CD163L1: variants seen among roughly 807,000 people sequenced by gnomAD.
The protein encoded by CD163L1 is CD163 molecule like 1.
CD163L1 carries 124 observed loss-of-function variants against 165.4 expected under a neutral mutation model. The ratio of observed to expected loss-of-function variants is 0.75; its 90% CI spans 0.65 to 0.87. The LOEUF (loss-of-function observed/expected upper bound fraction) is 0.87, where lower values mean the gene tolerates loss of function less well. Ranked by LOEUF, CD163L1 falls within the 40% of genes least tolerant of loss-of-function variation. CD163L1 has a pLI of 0.00. For missense variants in CD163L1, 1,525 were observed against 1,799.9 expected (o/e 0.85, Z 2.76); for synonymous variants, 585 against 662.2 (o/e 0.88, Z 1.79).
At chr12:7,357,059 C>T (rs1443501565) in intron 19 of CD163L1, among the ~76,000 whole-genome samples, 2 of 152,052 alleles carry the variant, frequency 1.3e-5, no homozygotes, top group African/African-American at 4.8e-5. Flanking sequence ...CAAAAATGAA[C>T]AGAAATCCTA....
In CD163L1 at chr12:7,368,745, A is replaced by AT. The variant is rs1947076129; in HGVS notation, c.4072+187dup. 1 of 612,916 alleles carries AT rather than the reference A, an allele frequency of 1.6e-6. No individual in the cohort carries two copies. Among genetic ancestry groups the AT allele is most frequent in the Admixed American group, 2.4e-5 (1 of 41,844 alleles). The allele number at this position is 612,916 out of a possible 1,614,324, so 38.0% of individuals were successfully genotyped here. A position where few individuals can be genotyped will look rare whatever the true frequency, so the allele number is the denominator to read the frequency against. On this transcript the variant is annotated intron_variant, in intron 16 of 19. Coordinates refer to ENST00000313599, the MANE Select transcript of CD163L1 (RefSeq NM_174941.6). This position sits in a 1 kb window ranked among gnomAD's most constrained non-coding sequence, Gnocchi z 4.3. Reference sequence around the variant, plus strand: ...TTATCCTTCTCTGCATGTAAAAAGGATTTTTCTAGAGAGAAGGACTGCATA... The same window carrying AT: ...TTATCCTTCTCTGCATGTAAAAAGGATTTTTTCTAGAGAGAAGGACTGCATA...
chr12:7,355,745 G>C (rs1047135335), intron 19 of CD163L1, among the ~76,000 whole-genome samples: 1 of 152,064 alleles, frequency 6.6e-6, no homozygotes, highest in African/African-American at 2.4e-5. Flanking sequence ...TATGACTGGT[G>C]TCCTTACAAG....
At chr12:7,435,342 A>G (rs1213391299) in intron 2 of CD163L1, among the ~76,000 whole-genome samples, 1 of 151,766 alleles carries the variant, frequency 6.6e-6, no homozygotes, top group African/African-American at 2.4e-5. Context: ...ATATATTATG[A>G]CTATGGACTA....
At chr12:7,417,507 T>C (rs1282563455) in intron 4 of CD163L1, among the ~76,000 whole-genome samples, 2 of 152,228 alleles carry the variant, frequency 1.3e-5, no homozygotes, top group African/African-American at 2.4e-5. Context: ...AAAGGGGATG[T>C]TTCCAGCTTT....
chr12:7,424,611 C>T (rs368303186), intron 4 of CD163L1, among the ~76,000 whole-genome samples: 9 of 152,178 alleles, frequency 5.9e-5, no homozygotes, highest in African/African-American at 2.2e-4. Flanking sequence ...CCAAAAACTC[C>T]TTAAGCTGAT....
Position 7,347,853 on chromosome 12 carries a change from C to G in CD163L1, c.*25-706G>C, listed in dbSNP as rs1010428371. On this transcript the variant is annotated intron_variant, in intron 4 of 4. Coordinates refer to the CD163L1 transcript ENST00000539726. The surrounding 1 kb of genome is among the most constrained non-coding windows in gnomAD (Gnocchi z 4.2). Reference sequence around the variant, plus strand: ...ACCAGAAACTTCTCAATTGCCATTCCCTTGATAAAATAATAACAAATATAA... The same window carrying G: ...ACCAGAAACTTCTCAATTGCCATTCGCTTGATAAAATAATAACAAATATAA... Among the ~76,000 whole-genome samples, 6 of 151,988 alleles carry G rather than the reference C, an allele frequency of 3.9e-5. No individual in the cohort carries two copies. Among genetic ancestry groups the G allele is most frequent in the African/African-American group, 1.4e-4 (6 of 41,402 alleles).
In CD163L1 at chr12:7,373,551, C is replaced by T. The variant is rs749248792; in HGVS notation, c.3499G>A (p.Val1167Ile). ...EVFYNGTWGS[V>I]GRRNITTAIA... ...GCTGTGGTGATGTTCCTCCTGCCGACGCTGCCCCAGGTCCCGTTATAGAAG... is the reference window on the plus strand; with the variant it reads ...GCTGTGGTGATGTTCCTCCTGCCGATGCTGCCCCAGGTCCCGTTATAGAAG... Residue 1167 changes from valine (V) to isoleucine (I), a missense_variant, in exon 14 of 20, where the codon GTC becomes ATC. By Grantham distance (29) the Val-to-Ile change is conservative (BLOSUM62 3). Transcript: ENST00000313599. 27 of 1,614,214 alleles carry T rather than the reference C, an allele frequency of 1.7e-5. No individual in the cohort carries two copies. The highest frequency in any genetic ancestry group is 1.1e-4 in the South Asian group (10 of 91,086).
chr12:7,386,478 T>A (rs1947518560), intron 8 of CD163L1, among the ~76,000 whole-genome samples: 2 of 151,398 alleles, frequency 1.3e-5, no homozygotes, highest in Admixed American at 6.6e-5. Flanking sequence ...AGGAGGCCAG[T>A]ATTACCCTGA....
At chr12:7,326,953 AT>A in the CD163L1 span, 40 of 1,576,882 alleles carry the variant, frequency 2.5e-5, no homozygotes, top group African/African-American at 4.3e-4. Flanking sequence ...AATGAGCAAG[AT>A]AAATTAACTT....
intron 8 of CD163L1, among the ~76,000 whole-genome samples, chr12:7,387,865 T>C (rs1038341318): frequency 2.0e-5 from 3 of 152,160 alleles, no homozygotes; most frequent in African/African-American, 7.2e-5. Context: ...CATCATACTA[T>C]CTACCTTCAA....
intron 18 of CD163L1, chr12:7,357,732 C>T: frequency 3.7e-6 from 1 of 268,714 alleles, no homozygotes; most frequent in Non-Finnish European, 7.1e-6. Flanking sequence ...GATTTGCTTC[C>T]AGTATCTTAA....
chr12:7,410,607 A>G (rs1591940446), intron 4 of CD163L1, among the ~76,000 whole-genome samples: 1 of 149,114 alleles, frequency 6.7e-6, no homozygotes, highest in African/African-American at 2.5e-5. Flanking sequence ...CCATATCCAA[A>G]AAAAAAAAAA....
intron 5 of CD163L1, among the ~76,000 whole-genome samples, chr12:7,405,066 A>G (rs182777923): frequency 1.1e-3 from 163 of 152,204 alleles, no homozygotes; most frequent in African/African-American, 3.6e-3. Flanking sequence ...ATCTGTTTTC[A>G]CTGTTGGGAC....
At chr12:7,412,752 C>A (rs767462771) in intron 4 of CD163L1, among the ~76,000 whole-genome samples, 11 of 152,008 alleles carry the variant, frequency 7.2e-5, no homozygotes, top group Admixed American at 1.3e-4. Flanking sequence ...ATTTTAACAA[C>A]CATTTATGAG....
Position 7,430,584 on chromosome 12 carries a change from C to T in CD163L1, c.766+1832G>A, listed in dbSNP as rs563000007. Among the ~76,000 whole-genome samples, 13 of 152,146 alleles carry T rather than the reference C, an allele frequency of 8.5e-5. No individual in the cohort carries two copies. The South Asian group carries it at 2.3e-3, about 27-fold the overall frequency. On this transcript the variant is annotated intron_variant, in intron 4 of 19. Coordinates refer to ENST00000313599, the MANE Select transcript of CD163L1 (RefSeq NM_174941.6). ...AGGAATACATAAGTTTAAAATAATT[C>T]CCATCCCTCTGGTATTAGCATATTT...
rs1352610033 is a variant in CD163L1, at chr12:7,421,022, T to C, written c.766+11394A>G. ...ATATATATATATACGTGTATATATA[T>C]ACATATATATATACGTGTATATATA... On this transcript the variant is annotated intron_variant, in intron 4 of 19. Transcript: ENST00000313599. Among the ~76,000 whole-genome samples the C allele has an allele frequency of 4.7e-4, 37 of 78,386 alleles. 1 individual carries two copies. Among genetic ancestry groups the C allele is most frequent in the African/African-American group, 2.0e-3 (32 of 15,726 alleles). 51.4% of individuals were successfully genotyped at this position (78,386 alleles called of 152,430 possible). A position where few individuals can be genotyped will look rare whatever the true frequency, so the allele number is the denominator to read the frequency against.
chr12:7,328,962 CTAGA>C, the CD163L1 span, among the ~76,000 whole-genome samples: 1 of 147,180 alleles, frequency 6.8e-6, no homozygotes, highest in African/African-American at 2.5e-5. Flanking sequence ...TACTGTATAT[CTAGA>C]TACATATATA....
Position 7,347,409 on chromosome 12 carries a change from T to C in CD163L1, c.*25-262A>G, listed in dbSNP as rs1946677088. On this transcript the variant is annotated intron_variant, in intron 4 of 4. Transcript: ENST00000539726. The surrounding 1 kb of genome is among the most constrained non-coding windows in gnomAD (Gnocchi z 4.2). ...GGATGTTAAAAGTTAGCCTAATAGT[T>C]TTCTTCATTGACAATGGGTGGTTAC... is the stretch of plus-strand genomic sequence containing the variant. 6.6e-6 allele frequency among the ~76,000 whole-genome samples: 1 copy of C among 152,178 alleles called. No individual in the cohort carries two copies. The highest frequency in any genetic ancestry group is 6.5e-5 in the Admixed American group (1 of 15,278).
intron 4 of CD163L1, among the ~76,000 whole-genome samples, chr12:7,425,439 C>G (rs1214837084): frequency 6.6e-6 from 1 of 152,108 alleles, no homozygotes; most frequent in African/African-American, 2.4e-5. Flanking sequence ...GACTTTATGA[C>G]TAAAACACCA....
Sources: gnomAD v4.1 joint callset for allele counts (sites outside exome capture counted in the v4.1 genomes callset) on GRCh38, gnomAD v4.1.1 for gene constraint, Gnocchi (gnomAD v3.1) non-coding constraint, MANE v1.5 for transcripts, NCBI Gene and HGNC (gene_info 2026-07-23, HGNC 2026-07-21) for gene names.